Variants in LDB3 observed in about 807,000 individuals in gnomAD.
LDB3 encodes LIM domain-binding protein 3.
Under a neutral mutation model 69.0 loss-of-function variants are expected in LDB3, and 49 were observed. The ratio of observed to expected loss-of-function variants is 0.71; its 90% CI spans 0.56 to 0.90. The LOEUF (loss-of-function observed/expected upper bound fraction) is 0.90. LDB3 is among the 40% of genes least tolerant of loss of function. LDB3 has a pLI of 0.00. For synonymous variants in LDB3, 387 were observed against 396.2 expected (o/e 0.98, Z 0.28); for missense variants, 928 against 974.1 (o/e 0.95, Z 0.63).
At chr10:86,676,585 A>G in intron 2 of LDB3, among the ~76,000 whole-genome samples, 1 of 130,746 alleles carries the variant, frequency 7.6e-6, no homozygotes, top group South Asian at 2.5e-4. Context: ...AAAAAGAGAA[A>G]GAAAAAAAAA....
At chr10:86,675,953 G>GAAA (rs1008935427) in intron 2 of LDB3, among the ~76,000 whole-genome samples, 1 of 152,204 alleles carries the variant, frequency 6.6e-6, no homozygotes, top group African/African-American at 2.4e-5. Context: ...TCTCAGTCTA[G>GAAA]AAAACTCTTT....
intron 2 of LDB3, among the ~76,000 whole-genome samples, chr10:86,674,616 G>A (rs1462406110): frequency 2.0e-5 from 3 of 152,132 alleles, no homozygotes; most frequent in Non-Finnish European, 4.4e-5. Flanking sequence ...GGGGCCCATT[G>A]GCGGGAGAAG....
Position 86,706,547 on chromosome 10 carries a change from G to C in LDB3, c.913G>C (p.Ala305Pro), listed in dbSNP as rs573547650. 1.2e-6 allele frequency: 2 copies of C among 1,612,676 alleles called. No homozygotes were observed. The highest frequency in any genetic ancestry group is 3.3e-5 in the Admixed American group (2 of 60,024). The change falls in exon 8 of 14, where the codon GCG becomes CCG. Residue 305 changes from alanine (A) to proline (P), a missense_variant. By Grantham distance (27) the Ala-to-Pro change is conservative. Coordinates refer to ENST00000361373, the MANE Select transcript of LDB3 (RefSeq NM_007078.3). ...CCTCATCAGCACCCCTATTGAGCATGCGCCGGTGTGCACCAGCCAGGCCAC... is the reference window on the plus strand; with the variant it reads ...CCTCATCAGCACCCCTATTGAGCATCCGCCGGTGTGCACCAGCCAGGCCAC... ...LRRSSTPIEH[A>P]PVCTSQATTP...
Position 86,735,990 on chromosome 10 carries a change from T to C in LDB3, c.*3014T>C, listed in dbSNP as rs1472183239. On this transcript the variant is annotated 3_prime_UTR_variant, in exon 14 of 14. Coordinates refer to ENST00000361373, the MANE Select transcript of LDB3 (RefSeq NM_007078.3). ...AGCCTGTTAAAGGTGTGCACAAAAATATTTTGCATGTGTTTTTTTTTTTGC... is the reference window on the plus strand; with the variant it reads ...AGCCTGTTAAAGGTGTGCACAAAAACATTTTGCATGTGTTTTTTTTTTTGC... The C allele has an allele frequency of 6.6e-6, 1 of 151,924 alleles. No individual in the cohort carries two copies. Among genetic ancestry groups the C allele is most frequent in the African/African-American group, 2.4e-5 (1 of 41,392 alleles). The allele number at this position is 151,924 out of a possible 1,614,324, so 9.4% of individuals were successfully genotyped here.
At chr10:86,708,003 T>C (rs1846508573) in intron 8 of LDB3, among the ~76,000 whole-genome samples, 2 of 152,188 alleles carry the variant, frequency 1.3e-5, no homozygotes, top group Non-Finnish European at 2.9e-5. Flanking sequence ...CCTCCCAATA[T>C]GAATGGTGAG....
At chr10:86,688,610 T>G (rs1325802687) in intron 5 of LDB3, among the ~76,000 whole-genome samples, 1 of 152,120 alleles carries the variant, frequency 6.6e-6, no homozygotes, top group Non-Finnish European at 1.5e-5. Flanking sequence ...AAGCAGAAAA[T>G]ATGACCATGC....
chr10:86,733,911 C>G lies in LDB3; in HGVS notation c.*935C>G, dbSNP rs895183240. The G allele has an allele frequency of 2.0e-5, 3 of 152,132 alleles. No individual in the cohort carries two copies. The highest frequency in any genetic ancestry group is 2.0e-4 in the Admixed American group (3 of 15,264). 9.4% of individuals were successfully genotyped at this position (152,132 alleles called of 1,614,324 possible). On this transcript the variant is annotated 3_prime_UTR_variant, in exon 14 of 14. Coordinates refer to ENST00000361373, the MANE Select transcript of LDB3 (RefSeq NM_007078.3). ...TGTGACTGCTCACTTATGACGTCTC[C>G]CCCAGTACCCTCCATCTCAAATAGG...
At chr10:86,707,050 A>G (rs1564652314) in intron 8 of LDB3, among the ~76,000 whole-genome samples, 1 of 144,780 alleles carries the variant, frequency 6.9e-6, no homozygotes, top group African/African-American at 2.6e-5. Flanking sequence ...ACACTCATAC[A>G]CACAAAGTTA....
In LDB3 at chr10:86,668,696, C is replaced by T; in HGVS notation, c.5C>T (p.Ser2Phe). Residue 2 changes from serine to phenylalanine, a missense_variant, in exon 2 of 14, where the codon TCT (serine) becomes TTT (phenylalanine). By Grantham distance (155) the Ser-to-Phe change is radical (BLOSUM62 -2). Coordinates refer to ENST00000361373, the MANE Select transcript of LDB3 (RefSeq NM_007078.3). The part of the protein sequence containing the change: M[S>F]YSVTLTGPGP... The stretch of plus-strand genomic sequence containing the variant: ...GCGGCCGCTGACAGCACCAGCATGT[C>T]TTACAGTGTGACCCTGACTGGGCCC... 6.2e-7 allele frequency: 1 copy of T among 1,613,256 alleles called. No homozygotes were observed. The highest frequency in any genetic ancestry group is 8.5e-7 in the Non-Finnish European group (1 of 1,179,842).
intron 12 of LDB3, among the ~76,000 whole-genome samples, chr10:86,723,670 C>T (rs1847161498): frequency 1.3e-5 from 2 of 152,114 alleles, no homozygotes; most frequent in South Asian, 2.1e-4. Flanking sequence ...GCAACCTGGG[C>T]GGTAACTTTC....
chr10:86,670,287 G>A (rs1175687364), intron 2 of LDB3, among the ~76,000 whole-genome samples: 2 of 152,134 alleles, frequency 1.3e-5, no homozygotes, highest in Non-Finnish European at 1.5e-5. Context: ...TGCACACTTT[G>A]CATGAGGTGG....
chr10:86,723,544 G>A (rs1847157602), intron 12 of LDB3, among the ~76,000 whole-genome samples: 1 of 152,180 alleles, frequency 6.6e-6, no homozygotes, highest in Non-Finnish European at 1.5e-5. Context: ...GGCACCATGA[G>A]ACCACCTGGG....
chr10:86,692,428 C>A, intron 6 of LDB3, 107 bp from the exon 7 acceptor site: 1 of 1,135,920 alleles, frequency 8.8e-7, no homozygotes. Context: ...GGGCAGTCAC[C>A]GTGTGGGGCC....
intron 8 of LDB3, among the ~76,000 whole-genome samples, chr10:86,708,161 C>G (rs560222850): frequency 2.0e-5 from 3 of 152,240 alleles, no homozygotes; most frequent in South Asian, 2.1e-4. Context: ...GGATGCCCCC[C>G]ACAGGGGGAG....
Position 86,716,392 on chromosome 10 carries a change from C to A in LDB3, c.1297C>A (p.Pro433Thr), listed in dbSNP as rs1208678612. Residue 433 changes from proline (P) to threonine (T), a missense_variant, in exon 10 of 14, where the codon CCT (proline) becomes ACT (threonine). Pro to Thr is a conservative substitution (Grantham distance 38, BLOSUM62 -1). Coordinates refer to ENST00000361373, the MANE Select transcript of LDB3 (RefSeq NM_007078.3). ...NYSPTPYTPS[P>T]APAYTPSPAP... ...CAGTCCCACTCCCTACACCCCCTCC[C>A]CTGCCCCTGCCTACACCCCCTCCCC... is the stretch of plus-strand genomic sequence containing the variant. The A allele has an allele frequency of 1.3e-6, 2 of 1,591,524 alleles. No individual in the cohort carries two copies. Among genetic ancestry groups the A allele is most frequent in the South Asian group, 2.3e-5 (2 of 88,396 alleles).
rs749992034 is a variant in LDB3 at position 86,718,762 on chromosome 10, C to A, written c.1893C>A (p.Thr631=). The A allele has an allele frequency of 1.9e-6, 3 of 1,614,034 alleles. No individual in the cohort carries two copies. The highest frequency in any genetic ancestry group is 8.5e-7 in the Non-Finnish European group (1 of 1,180,020). ...VMHALRQTWH[T]TCFVCAACKK... ...ATGCCTTGAGACAGACATGGCACAC[C>A]ACCTGCTTCGTCTGTGCGGCCTGCA... The change falls in exon 12 of 14, where the codon ACC becomes ACA. Residue 631 remains threonine, a synonymous_variant. Coordinates refer to ENST00000361373, the MANE Select transcript of LDB3 (RefSeq NM_007078.3).
rs531552287 is a variant in LDB3 at position 86,729,347 on chromosome 10, G to A, written c.2094+3095G>A. Among the ~76,000 whole-genome samples the A allele has an allele frequency of 7.9e-4, 121 of 152,298 alleles. 1 individual carries two copies. The highest frequency in any genetic ancestry group is 1.6e-3 in the Non-Finnish European group (108 of 68,036). ...GAAAGTTAAGCTTCTGTCTGGCGTC[G>A]ACACTTGAGTTCCAATGGAAAGGGT... On this transcript the variant is annotated intron_variant, in intron 13 of 13. Transcript: ENST00000361373.
chr10:86,728,705 C>T (rs932457390), intron 13 of LDB3, among the ~76,000 whole-genome samples: 6 of 151,652 alleles, frequency 4.0e-5, no homozygotes, highest in African/African-American at 1.2e-4. Context: ...CCTCAGGCTC[C>T]TGAGTAGCTG....
At chr10:86,712,840 C>G (rs1209271281) in intron 9 of LDB3, among the ~76,000 whole-genome samples, 2 of 152,172 alleles carry the variant, frequency 1.3e-5, no homozygotes, top group Non-Finnish European at 2.9e-5. Flanking sequence ...GCGGGCGGAT[C>G]ATAAGGTCAG....
Sources: allele counts gnomAD v4.1 joint callset (sites outside exome capture counted in the v4.1 genomes callset), GRCh38; gene constraint gnomAD v4.1.1; transcripts MANE v1.5; gene names NCBI Gene and HGNC (gene_info 2026-07-23, HGNC 2026-07-21).